The following AGBL1 variants were observed in gnomAD, a reference collection of about 807,000 sequenced individuals.
AGBL1 encodes the protein AGBL carboxypeptidase 1, also known as cytosolic carboxypeptidase 4.
In AGBL1, 130 loss-of-function variants were observed where a neutral mutation model predicts 118.9. That is an observed-to-expected ratio of 1.09 (90% confidence interval 0.95 to 1.26). The LOEUF is 1.26. Among genes scored for constraint, AGBL1 ranks in the 50% most tolerant of loss-of-function variants. The probability of loss-of-function intolerance (pLI) is 0.00; values close to 1 mark genes in which losing one functional copy is unlikely to be tolerated. For synonymous variants in AGBL1, 555 were observed against 478.9 expected (o/e 1.16, Z -2.08); for missense variants, 1,584 against 1,298.1 (o/e 1.22, Z -3.38).
At chr15:86,917,267 G>C (rs2080435870), downstream of AGBL1, among the ~76,000 whole-genome samples, 1 of 152,170 alleles carries the variant, frequency 6.6e-6, no homozygotes, top group Non-Finnish European at 1.5e-5. This position sits in a 1 kb window ranked among gnomAD's most constrained non-coding sequence, Gnocchi z 4.8. Context: ...TGTTCAGAGA[G>C]AGTTCTTTCA....
At chr15:86,967,420 G>A (rs1240483487) in intron 23 of AGBL1, among the ~76,000 whole-genome samples, 1 of 152,058 alleles carries the variant, frequency 6.6e-6, no homozygotes, top group East Asian at 1.9e-4. Flanking sequence ...GTCCTGAATG[G>A]TATTGCCTAG....
chr15:86,710,416 G>C (rs1016286797), intron 22 of AGBL1, among the ~76,000 whole-genome samples: 1 of 152,114 alleles, frequency 6.6e-6, no homozygotes, highest in African/African-American at 2.4e-5. Context: ...ATGAATGACT[G>C]TGAACCAAGG....
At chr15:86,444,957 T>C (rs1239740164) in intron 18 of AGBL1, among the ~76,000 whole-genome samples, 1 of 152,216 alleles carries the variant, frequency 6.6e-6, no homozygotes, top group Non-Finnish European at 1.5e-5. Flanking sequence ...TGAGATACAT[T>C]AGATTGCAAA....
At chr15:86,871,372 A>T (rs1260882913) in intron 22 of AGBL1, among the ~76,000 whole-genome samples, 1 of 152,198 alleles carries the variant, frequency 6.6e-6, no homozygotes, top group Non-Finnish European at 1.5e-5. Flanking sequence ...TTCACAAAAC[A>T]AGCCTAAATG....
At chr15:86,209,839 G>T (rs925758365) in intron 5 of AGBL1, among the ~76,000 whole-genome samples, 12 of 152,132 alleles carry the variant, frequency 7.9e-5, no homozygotes, top group Admixed American at 2.0e-4. Context: ...TGTTATGTGT[G>T]AATTTTATCC....
intron 22 of AGBL1, among the ~76,000 whole-genome samples, chr15:86,871,274 A>C (rs144806216): frequency 6.6e-6 from 1 of 152,234 alleles, no homozygotes; most frequent in Admixed American, 6.5e-5. Flanking sequence ...TTTCAAAGGG[A>C]GTATCTATCT....
chr15:86,098,904 T>C (rs1030649847), intron 1 of AGBL1, among the ~76,000 whole-genome samples: 1 of 152,174 alleles, frequency 6.6e-6, no homozygotes, highest in African/African-American at 2.4e-5. Context: ...CTTTGGGTAG[T>C]ATGGTTGTTT....
intron 6 of AGBL1, among the ~76,000 whole-genome samples, chr15:86,232,240 G>A (rs2078467816): frequency 6.6e-6 from 1 of 152,148 alleles, no homozygotes. Context: ...TGTCCTCGTC[G>A]CCCCCATCCC....
intron 21 of AGBL1, chr15:86,556,373 G>C: frequency 8.3e-7 from 1 of 1,205,460 alleles, no homozygotes; most frequent in South Asian, 1.3e-5. Flanking sequence ...GAACTGGCTA[G>C]AGAAAGCCCT....
intron 22 of AGBL1, among the ~76,000 whole-genome samples, chr15:86,764,058 G>C (rs1056793461): frequency 6.6e-5 from 10 of 151,872 alleles, no homozygotes; most frequent in African/African-American, 2.2e-4. Context: ...AGAAGTGAAA[G>C]AACTTTTCTA....
rs112776038 is a variant in AGBL1, at chr15:86,667,395, G to A, written c.2995-6878G>A. Among the ~76,000 whole-genome samples, 442 of 151,982 alleles carry A rather than the reference G, an allele frequency of 2.9e-3. 4 individuals are homozygous for A. The highest frequency in any genetic ancestry group is 0.01 in the African/African-American group (422 of 41,490). ...TGAAACTTTTTCTTGTTTATGATGTGGTTTGCATTCAATGTTTCCCCTTCT... is the reference window on the plus strand; with the variant it reads ...TGAAACTTTTTCTTGTTTATGATGTAGTTTGCATTCAATGTTTCCCCTTCT... On this transcript the variant is annotated intron_variant, in intron 21 of 22. Transcript: ENST00000614907.
chr15:86,741,118 T>G (rs972323761), intron 22 of AGBL1, among the ~76,000 whole-genome samples: 2 of 152,006 alleles, frequency 1.3e-5, no homozygotes, highest in African/African-American at 4.8e-5. Flanking sequence ...CTAGCCAGTC[T>G]TTTGATTGCA....
chr15:86,210,479 A>C (rs1168906467), intron 5 of AGBL1, among the ~76,000 whole-genome samples: 1 of 152,068 alleles, frequency 6.6e-6, no homozygotes, highest in Non-Finnish European at 1.5e-5. Context: ...GGTCTTTCCC[A>C]TAGTCCCATA....
At chr15:86,773,542 C>T (rs974369043) in intron 22 of AGBL1, among the ~76,000 whole-genome samples, 4 of 139,518 alleles carry the variant, frequency 2.9e-5, no homozygotes, top group Non-Finnish European at 6.1e-5. Flanking sequence ...GTGATGTTCC[C>T]CTTACTGTGT....
At chr15:86,178,764 G>A in intron 5 of AGBL1, among the ~76,000 whole-genome samples, 1 of 152,112 alleles carries the variant, frequency 6.6e-6, no homozygotes, top group South Asian at 2.1e-4. Context: ...ACCAAAAGCA[G>A]GCAAAGACTT....
At chr15:86,814,497 TA>T (rs1338381826) in intron 22 of AGBL1, among the ~76,000 whole-genome samples, 5 of 152,168 alleles carry the variant, frequency 3.3e-5, no homozygotes, top group Admixed American at 2.6e-4. Flanking sequence ...CAGATTTACA[TA>T]AAAGCTTGCC....
intron 17 of AGBL1, among the ~76,000 whole-genome samples, chr15:86,317,347 A>G (rs1372945283): frequency 1.3e-5 from 2 of 152,214 alleles, no homozygotes; most frequent in Admixed American, 1.3e-4. Flanking sequence ...ACAATATCCT[A>G]TCCGCACAGA....
At chr15:86,865,469 A>G (rs1432024189) in intron 22 of AGBL1, among the ~76,000 whole-genome samples, 3 of 152,182 alleles carry the variant, frequency 2.0e-5, no homozygotes, top group Non-Finnish European at 2.9e-5. Context: ...GGACCGGAGG[A>G]GTGAATATAG....
intron 19 of AGBL1, among the ~76,000 whole-genome samples, chr15:86,543,457 G>A (rs1054942577): frequency 6.6e-6 from 1 of 152,152 alleles, no homozygotes; most frequent in African/African-American, 2.4e-5. Context: ...TTACTGTCGT[G>A]TGTTTCATTT....
Sources: allele counts gnomAD v4.1 joint callset (sites outside exome capture counted in the v4.1 genomes callset), GRCh38; gene constraint gnomAD v4.1.1; non-coding constraint Gnocchi (gnomAD v3.1); transcripts MANE v1.5; gene names NCBI Gene and HGNC (gene_info 2026-07-23, HGNC 2026-07-21).